Variants in BACE2 observed in about 807,000 individuals in gnomAD.
The protein encoded by BACE2 is beta-secretase 2.
A neutral mutation model predicts 46.2 loss-of-function variants in BACE2; 17 were observed. The observed-to-expected ratio is 0.37, with a 90% CI of 0.25 to 0.55. The LOEUF is 0.55. Among genes scored for constraint, BACE2 ranks in the 20% least tolerant of loss-of-function variants. BACE2 has a pLI of 0.82. For synonymous variants in BACE2, 277 were observed against 295.9 expected (o/e 0.94, Z 0.66); for missense variants, 595 against 698.1 (o/e 0.85, Z 1.66).
rs946098392 is a variant in BACE2, at chr21:41,193,211, G to A, written c.312+24636G>A. ...CCTACCCCTGAGGTAGGACAGTAAA[G>A]GTGTATTGCCGGCCTTGCCAGCGGA... On this transcript the variant is annotated intron_variant, in intron 1 of 8. Coordinates refer to ENST00000330333, the MANE Select transcript of BACE2 (RefSeq NM_012105.5). This position sits in a 1 kb window ranked among gnomAD's most constrained non-coding sequence, Gnocchi z 4.2. 3.9e-5 allele frequency among the ~76,000 whole-genome samples: 6 copies of A among 152,190 alleles called. No individual in the cohort carries two copies. Among genetic ancestry groups the A allele is most frequent in the Non-Finnish European group, 1.5e-5 (1 of 68,032 alleles).
At chr21:41,187,551 CTG>C (rs995996051) in intron 1 of BACE2, among the ~76,000 whole-genome samples, 10 of 152,224 alleles carry the variant, frequency 6.6e-5, no homozygotes, top group African/African-American at 2.4e-5. Context: ...AGTTTTAAAA[CTG>C]TTCTTTAAAA....
chr21:41,275,658 C>G lies in BACE2; in HGVS notation c.*34C>G. ...GCCTGACCTCAAGCAACCATGAACT[C>G]AGCTATTAAGAAAATCACATTTCCA... On this transcript the variant is annotated 3_prime_UTR_variant, in exon 9 of 9. Coordinates refer to ENST00000330333, the MANE Select transcript of BACE2 (RefSeq NM_012105.5). 6.2e-7 allele frequency: 1 copy of G among 1,604,396 alleles called. No homozygotes were observed. The highest frequency in any genetic ancestry group is 8.5e-7 in the Non-Finnish European group (1 of 1,173,442).
intron 7 of BACE2, among the ~76,000 whole-genome samples, chr21:41,255,652 A>G (rs1399404170): frequency 1.3e-5 from 2 of 152,194 alleles, no homozygotes; most frequent in African/African-American, 2.4e-5. Context: ...GTGCTGGTGC[A>G]GAGAGCAGCA....
chr21:41,210,251 G>T (rs1986256325), intron 1 of BACE2, among the ~76,000 whole-genome samples: 1 of 151,664 alleles, frequency 6.6e-6, no homozygotes, highest in African/African-American at 2.4e-5. Flanking sequence ...TTGCCAAGGA[G>T]ACCCCCCAAA....
intron 1 of BACE2, among the ~76,000 whole-genome samples, chr21:41,218,310 T>C (rs1459625460): frequency 6.6e-6 from 1 of 152,142 alleles, no homozygotes; most frequent in Non-Finnish European, 1.5e-5. Context: ...TGGAGAAACA[T>C]ATATATAAAG....
chr21:41,204,962 T>C (rs1986080564), intron 1 of BACE2, among the ~76,000 whole-genome samples: 1 of 152,160 alleles, frequency 6.6e-6, no homozygotes, highest in Admixed American at 6.5e-5. Flanking sequence ...GGGTTTACCA[T>C]GGAAAAAAAC....
At chr21:41,205,653 AT>A (rs1309362402) in intron 1 of BACE2, among the ~76,000 whole-genome samples, 4 of 152,174 alleles carry the variant, frequency 2.6e-5, no homozygotes, top group African/African-American at 4.8e-5. Flanking sequence ...AGAAGGGCTA[AT>A]TTTTTTAAGC....
intron 1 of BACE2, among the ~76,000 whole-genome samples, chr21:41,216,411 C>T (rs1229816942): frequency 6.6e-6 from 1 of 152,248 alleles, no homozygotes; most frequent in Non-Finnish European, 1.5e-5. Context: ...GTTGAACCTT[C>T]TTGAAAACTA....
intron 1 of BACE2, among the ~76,000 whole-genome samples, chr21:41,224,277 C>T (rs537392382): frequency 9.3e-5 from 12 of 128,736 alleles, no homozygotes; most frequent in African/African-American, 2.9e-4. Context: ...TGCAGTGGTG[C>T]GATCTCGGCT....
intron 6 of BACE2, among the ~76,000 whole-genome samples, chr21:41,247,617 C>A (rs2837988): frequency 0.46 from 70,683 of 152,148 alleles, 18,464 homozygotes; most frequent in African/African-American, 0.73. Flanking sequence ...AAATCCAGCA[C>A]GTCGTGGACC....
chr21:41,223,963 G>A (rs7280770), intron 1 of BACE2, among the ~76,000 whole-genome samples: 20,372 of 152,062 alleles, frequency 0.13, 1,487 homozygotes, highest in Middle Eastern at 0.17. Flanking sequence ...TCAGCAGGGT[G>A]GGGAGATGAG....
chr21:41,201,719 G>A (rs17000646), intron 1 of BACE2, among the ~76,000 whole-genome samples: 5,996 of 152,352 alleles, frequency 0.039, 362 homozygotes, highest in African/African-American at 0.13. Context: ...TGTTGTGCGT[G>A]TAAATCTAAG....
At chr21:41,252,970 T>C (rs1987682377) in intron 7 of BACE2, among the ~76,000 whole-genome samples, 1 of 152,144 alleles carries the variant, frequency 6.6e-6, no homozygotes, top group Non-Finnish European at 1.5e-5. Context: ...TGCCCTTCCC[T>C]CACACCGTAA....
In BACE2 at chr21:41,237,789, T is replaced by C. The variant is rs1244975833; in HGVS notation, c.618+60T>C. 3.5e-6 allele frequency: 5 copies of C among 1,419,052 alleles called. No homozygotes were observed. The Admixed American group carries it at 5.1e-5, about 14-fold the overall frequency. 87.9% of individuals were successfully genotyped at this position (1,419,052 alleles called of 1,614,324 possible). ...AACAGGATGAGATTCTGAAAATCAG[T>C]CATTAAAGGGCTGACACATGAGTCT... On this transcript the variant is annotated intron_variant, in intron 3 of 8. Coordinates refer to ENST00000330333, the MANE Select transcript of BACE2 (RefSeq NM_012105.5).
In BACE2 at chr21:41,254,906, C is replaced by T. The variant is rs542101700; in HGVS notation, c.1135-2252C>T. 4.2e-3 allele frequency among the ~76,000 whole-genome samples: 643 copies of T among 152,330 alleles called. 7 individuals are homozygous for T. Among genetic ancestry groups the T allele is most frequent in the Non-Finnish European group, 7.8e-3 (531 of 68,036 alleles). ...TTTAAAACTCTGTCTGCCCGAGGGG[C>T]GCATGATGAGCTCTGGGCCAGCTAG... On this transcript the variant is annotated intron_variant, in intron 7 of 8. Transcript: ENST00000330333.
chr21:41,229,741 G>C (rs1003504146), intron 2 of BACE2, among the ~76,000 whole-genome samples: 1 of 152,184 alleles, frequency 6.6e-6, no homozygotes, highest in Non-Finnish European at 1.5e-5. Flanking sequence ...TTACTTACCT[G>C]CTAGCCCTGT....
At chr21:41,218,402 G>C (rs958796868) in intron 1 of BACE2, among the ~76,000 whole-genome samples, 2 of 152,160 alleles carry the variant, frequency 1.3e-5, no homozygotes, top group African/African-American at 4.8e-5. Context: ...ATAGGTGCTC[G>C]CAAGCATGAA....
intron 1 of BACE2, among the ~76,000 whole-genome samples, chr21:41,210,843 C>T (rs760929438): frequency 5.3e-5 from 8 of 152,316 alleles, no homozygotes; most frequent in South Asian, 4.1e-4. Context: ...GTTCAATATG[C>T]GTGCATCAGG....
chr21:41,247,820 G>A (rs975869947), intron 6 of BACE2, among the ~76,000 whole-genome samples: 3 of 152,220 alleles, frequency 2.0e-5, no homozygotes, highest in Admixed American at 6.5e-5. Context: ...ACATGGGAAG[G>A]TTGTTTGTCT....
Sources: allele counts gnomAD v4.1 joint callset (sites outside exome capture counted in the v4.1 genomes callset), GRCh38; gene constraint gnomAD v4.1.1; non-coding constraint Gnocchi (gnomAD v3.1); transcripts MANE v1.5; gene names NCBI Gene and HGNC (gene_info 2026-07-23, HGNC 2026-07-21).